Variants in LRRC4C observed in about 807,000 individuals in gnomAD.
LRRC4C encodes leucine-rich repeat-containing protein 4C.
In LRRC4C, 5 loss-of-function variants were observed where a neutral mutation model predicts 33.6. That is an observed-to-expected ratio of 0.15 (90% CI 0.08 to 0.31). The LOEUF (loss-of-function observed/expected upper bound fraction) is 0.31. Ranked by LOEUF, LRRC4C falls within the 10% of genes least tolerant of loss-of-function variation. The pLI is 1.00. For missense variants in LRRC4C, 560 were observed against 796.7 expected (o/e 0.70, Z 3.58); for synonymous variants, 329 against 302.0 (o/e 1.09, Z -0.93).
At position 40,577,832 on chromosome 11, in the gene LRRC4C, CTTTTTT is replaced by C. The variant is rs56061263; in HGVS notation, c.-270+70304_-270+70309del. Among the ~76,000 whole-genome samples, 150 of 119,332 alleles carry C rather than the reference CTTTTTT, an allele frequency of 1.3e-3. 1 individual carries two copies. In the Middle Eastern group the frequency reaches 0.02, roughly 16 times the overall value. The allele number at this position is 119,332 out of a possible 152,430, so 78.3% of individuals were successfully genotyped here. ...TTTTTGTTTGTTTGTTTTCTTTTTTCTTTTTTTTTTTTTTTTTTTTTGAGACGGAGT... is the reference window on the plus strand; with the variant it reads ...TTTTTGTTTGTTTGTTTTCTTTTTTCTTTTTTTTTTTTTTTGAGACGGAGT... On this transcript the variant is annotated intron_variant, in intron 3 of 6. Transcript: ENST00000528697.
At chr11:40,539,760 A>G (rs1312453157) in intron 3 of LRRC4C, among the ~76,000 whole-genome samples, 5 of 152,156 alleles carry the variant, frequency 3.3e-5, no homozygotes, top group African/African-American at 1.2e-4. Flanking sequence ...AACAAACCTC[A>G]TATAATTTAG....
At chr11:40,372,075 G>T (rs965059761) in intron 3 of LRRC4C, among the ~76,000 whole-genome samples, 6 of 152,152 alleles carry the variant, frequency 3.9e-5, no homozygotes, top group Admixed American at 1.3e-4. Context: ...AGACAGTTTT[G>T]CTGTTCAGGA....
intron 2 of LRRC4C, among the ~76,000 whole-genome samples, chr11:40,696,867 C>T (rs989450145): frequency 6.7e-6 from 1 of 149,360 alleles, no homozygotes; most frequent in African/African-American, 2.5e-5. Flanking sequence ...CCCTTTGCTA[C>T]AGGCACATGG....
intron 5 of LRRC4C, among the ~76,000 whole-genome samples, chr11:40,193,492 T>G (rs1862013046): frequency 6.6e-6 from 1 of 152,146 alleles, no homozygotes; most frequent in South Asian, 2.1e-4. Context: ...TTCACAAATA[T>G]GAGGAAAGAC....
intron 2 of LRRC4C, among the ~76,000 whole-genome samples, chr11:40,822,509 T>C (rs1372076797): frequency 6.6e-6 from 1 of 151,786 alleles, no homozygotes; most frequent in Admixed American, 6.6e-5. Flanking sequence ...ATGGTTTTCT[T>C]TCTTTTAGGA....
intron 3 of LRRC4C, among the ~76,000 whole-genome samples, chr11:40,498,823 T>C (rs1366111623): frequency 6.6e-6 from 1 of 152,202 alleles, no homozygotes; most frequent in Non-Finnish European, 1.5e-5. Context: ...CAATGAGGTA[T>C]TTGGAACATT....
intron 5 of LRRC4C, among the ~76,000 whole-genome samples, chr11:40,180,577 T>G (rs898703891): frequency 6.6e-6 from 1 of 152,208 alleles, no homozygotes; most frequent in Non-Finnish European, 1.5e-5. Context: ...ATGATTTTTT[T>G]GTTGGAATAT....
chr11:40,585,329 T>C (rs1338198637), intron 3 of LRRC4C, among the ~76,000 whole-genome samples: 6 of 152,192 alleles, frequency 3.9e-5, no homozygotes, highest in South Asian at 2.1e-4. Flanking sequence ...CTAACACCAT[T>C]GCTTGAGAGG....
chr11:41,274,650 G>A (rs760519458), intron 1 of LRRC4C, among the ~76,000 whole-genome samples: 7 of 152,012 alleles, frequency 4.6e-5, no homozygotes, highest in Non-Finnish European at 8.8e-5. Context: ...GGACAAATAC[G>A]GGAATAAAAG....
intron 2 of LRRC4C, among the ~76,000 whole-genome samples, chr11:40,897,391 A>G (rs1955992150): frequency 6.6e-6 from 1 of 152,248 alleles, no homozygotes; most frequent in Non-Finnish European, 1.5e-5. Context: ...TAATTGAAAC[A>G]TGAGTCAAAG....
At chr11:41,263,076 G>A (rs577163427) in intron 1 of LRRC4C, among the ~76,000 whole-genome samples, 1 of 152,166 alleles carries the variant, frequency 6.6e-6, no homozygotes, top group South Asian at 2.1e-4. Flanking sequence ...AACACCTTAC[G>A]AGGTCAATAG....
chr11:40,201,049 T>C (rs1345167273), intron 5 of LRRC4C, among the ~76,000 whole-genome samples: 8 of 152,144 alleles, frequency 5.3e-5, no homozygotes, highest in Non-Finnish European at 8.8e-5. Flanking sequence ...ATGTGATGCA[T>C]GCTCATGTGC....
chr11:41,032,726 GAAA>G (rs397966264), intron 1 of LRRC4C, among the ~76,000 whole-genome samples: 2 of 150,634 alleles, frequency 1.3e-5, no homozygotes, highest in Non-Finnish European at 3.0e-5. Context: ...AAAAAAGGGG[GAAA>G]AAAAACACAA....
chr11:40,401,028 T>A (rs1949738346), intron 3 of LRRC4C, among the ~76,000 whole-genome samples: 1 of 152,138 alleles, frequency 6.6e-6, no homozygotes, highest in South Asian at 2.1e-4. Context: ...GATAAATATT[T>A]ATTAAAAGGA....
intron 1 of LRRC4C, among the ~76,000 whole-genome samples, chr11:40,971,498 T>C (rs66539910): frequency 0.23 from 35,347 of 152,086 alleles, 4,497 homozygotes; most frequent in Middle Eastern, 0.32. Context: ...AGAGAGCATA[T>C]GGAAAAGCAT....
intron 1 of LRRC4C, among the ~76,000 whole-genome samples, chr11:41,066,023 C>G (rs1404113216): frequency 2.0e-5 from 3 of 152,136 alleles, no homozygotes. Flanking sequence ...CAAATGATCA[C>G]AACACTTCTC....
chr11:40,440,116 C>G (rs1951325372), intron 3 of LRRC4C, among the ~76,000 whole-genome samples: 1 of 151,786 alleles, frequency 6.6e-6, no homozygotes, highest in East Asian at 1.9e-4. Flanking sequence ...TTTCCAAATC[C>G]TGTACTGAAC....
At chr11:41,093,776 T>C (rs1203062147) in intron 1 of LRRC4C, among the ~76,000 whole-genome samples, 1 of 151,938 alleles carries the variant, frequency 6.6e-6, no homozygotes, top group Non-Finnish European at 1.5e-5. Context: ...TTAGTGGTTT[T>C]CCACAACCTT....
chr11:40,919,889 AT>A lies in LRRC4C; in HGVS notation c.-407+13745del, dbSNP rs1957106301. Reference sequence around the variant, plus strand: ...GCAAGGCATAAAAAAACAGAAAAAAATATTGTCAGACCAATAATTTTTGATC... The same window carrying A: ...GCAAGGCATAAAAAAACAGAAAAAAAATTGTCAGACCAATAATTTTTGATC... On this transcript the variant is annotated intron_variant, in intron 2 of 6. Transcript: ENST00000528697. Among the ~76,000 whole-genome samples, 10 of 152,292 alleles carry A rather than the reference AT, an allele frequency of 6.6e-5. No homozygotes were observed. In the South Asian group the frequency reaches 2.1e-3, roughly 32 times the overall value.
Sources: allele counts gnomAD v4.1 joint callset (sites outside exome capture counted in the v4.1 genomes callset), GRCh38; gene constraint gnomAD v4.1.1; transcripts MANE v1.5; gene names NCBI Gene and HGNC (gene_info 2026-07-23, HGNC 2026-07-21).